Variants in DLC1 observed in about 807,000 individuals in gnomAD.
The protein encoded by DLC1 is DLC1 Rho GTPase activating protein, also known as rho GTPase-activating protein 7.
DLC1 carries 54 observed loss-of-function variants against 140.3 expected under a neutral mutation model. The observed-to-expected ratio is 0.38, with a 90% CI of 0.31 to 0.48. The LOEUF (loss-of-function observed/expected upper bound fraction) is 0.48. Among genes scored for constraint, DLC1 ranks in the 20% least tolerant of loss-of-function variants. The probability of loss-of-function intolerance (pLI) is 0.96; values close to 1 mark genes in which losing one functional copy is unlikely to be tolerated. For missense variants in DLC1, 2,536 were observed against 1,907.0 expected (o/e 1.33, Z -6.14); for synonymous variants, 986 against 728.1 (o/e 1.35, Z -5.70).
At chr8:13,423,352 G>A (rs2117355917) in intron 2 of DLC1, among the ~76,000 whole-genome samples, 1 of 152,230 alleles carries the variant, frequency 6.6e-6, no homozygotes, top group South Asian at 2.1e-4. Flanking sequence ...ACATGTACTG[G>A]CATAGTATCG....
At chr8:13,338,092 A>T (rs1369571943) in intron 4 of DLC1, among the ~76,000 whole-genome samples, 1 of 152,160 alleles carries the variant, frequency 6.6e-6, no homozygotes, top group Non-Finnish European at 1.5e-5. Context: ...CTTTGCAAAT[A>T]GTTCTGTGCA....
rs1418026626 is a variant in DLC1 at position 13,188,801 on chromosome 8, G to GTATATATATATATATATATATATATGTA, written c.1349-73172_1349-73145dup. 6.8e-4 allele frequency among the ~76,000 whole-genome samples: 49 copies of GTATATATATATATATATATATATATGTA among 71,850 alleles called. No homozygotes were observed. The East Asian group carries it at 9.4e-3, about 14-fold the overall frequency. The allele number at this position is 71,850 out of a possible 152,430, so 47.1% of individuals were successfully genotyped here. A position where few individuals can be genotyped will look rare whatever the true frequency, so the allele number is the denominator to read the frequency against. ...AATGTGTGTGTGTGTGTGTGTGTGT[G>GTATATATATATATATATATATATATGTA]TATATATATATATATATATATATAT... On this transcript the variant is annotated intron_variant, in intron 5 of 17. Coordinates refer to ENST00000276297, the MANE Select transcript of DLC1 (RefSeq NM_182643.3).
chr8:13,566,800 C>G (rs886391422), intron 1 of DLC1: 3 of 715,316 alleles, frequency 4.2e-6, no homozygotes, highest in African/African-American at 1.8e-5. Flanking sequence ...AGGCGGGACG[C>G]CGCATGGTGG....
At chr8:13,266,742 A>G (rs1162220383) in intron 5 of DLC1, among the ~76,000 whole-genome samples, 1 of 152,116 alleles carries the variant, frequency 6.6e-6, no homozygotes, top group Non-Finnish European at 1.5e-5. Flanking sequence ...AAGACTTAGT[A>G]TTAAAAAAAC....
chr8:13,507,977 C>T (rs1200411822), intron 1 of DLC1, among the ~76,000 whole-genome samples: 1 of 152,148 alleles, frequency 6.6e-6, no homozygotes, highest in Non-Finnish European at 1.5e-5. Flanking sequence ...TTTTACTCAA[C>T]TTAAAACATT....
intron 5 of DLC1, among the ~76,000 whole-genome samples, chr8:13,237,197 ATG>A (rs376660880): frequency 0.07 from 9,641 of 138,096 alleles, 355 homozygotes; most frequent in South Asian, 0.13. Context: ...ATATATATAT[ATG>A]TGTGTGTGTG....
intron 5 of DLC1, among the ~76,000 whole-genome samples, chr8:13,119,644 C>T (rs563684846): frequency 1.3e-5 from 2 of 152,272 alleles, no homozygotes; most frequent in South Asian, 4.1e-4. Flanking sequence ...GAAGTAACCA[C>T]CTCTCCTTAA....
At chr8:13,363,048 G>T (rs1586210256) in intron 4 of DLC1, among the ~76,000 whole-genome samples, 1 of 152,230 alleles carries the variant, frequency 6.6e-6, no homozygotes, top group Non-Finnish European at 1.5e-5. Context: ...CTAGATATGG[G>T]CATACAATAT....
chr8:13,595,798 A>G (rs1178574340), intron 1 of DLC1, among the ~76,000 whole-genome samples: 3 of 152,050 alleles, frequency 2.0e-5, no homozygotes, highest in African/African-American at 7.2e-5. Context: ...CTTTAAATAG[A>G]ACAGTACATT....
rs58038503 is a variant in DLC1, at chr8:13,413,256, A to ATTTTTTTTTTTT, written c.1024-11649_1024-11638dup. Among the ~76,000 whole-genome samples, 248 of 81,992 alleles carry ATTTTTTTTTTTT rather than the reference A, an allele frequency of 3.0e-3. 40 individuals carry two copies. The highest frequency in any genetic ancestry group is 0.01 in the East Asian group (22 of 2,178). 53.8% of individuals were successfully genotyped at this position (81,992 alleles called of 152,430 possible). On this transcript the variant is annotated intron_variant, in intron 2 of 17. Transcript: ENST00000276297. Reference sequence around the variant, plus strand: ...TAAAACATTATGAGATTTTTTTGCGATTTTTTTTTTTTTTTTTTTTTAGCT... The same window carrying ATTTTTTTTTTTT: ...TAAAACATTATGAGATTTTTTTGCGATTTTTTTTTTTTTTTTTTTTTTTTTTTTTTTTTAGCT...
At chr8:13,246,395 A>G (rs1336500396) in intron 5 of DLC1, among the ~76,000 whole-genome samples, 1 of 152,224 alleles carries the variant, frequency 6.6e-6, no homozygotes, top group Admixed American at 6.5e-5. Flanking sequence ...GGTGTCAATG[A>G]TGATACTATT....
At chr8:13,181,807 G>A in intron 5 of DLC1, among the ~76,000 whole-genome samples, 1 of 152,106 alleles carries the variant, frequency 6.6e-6, no homozygotes. Context: ...ACATGTACAT[G>A]TGTCTTTATA....
intron 1 of DLC1, among the ~76,000 whole-genome samples, chr8:13,528,083 AT>A (rs1200694209): frequency 6.6e-6 from 1 of 152,126 alleles, no homozygotes; most frequent in Non-Finnish European, 1.5e-5. Flanking sequence ...ATAATGATTT[AT>A]TTTCTCCTCT....
chr8:13,332,283 T>C (rs2116948012), intron 4 of DLC1, among the ~76,000 whole-genome samples: 2 of 152,262 alleles, frequency 1.3e-5, no homozygotes, highest in South Asian at 4.2e-4. Context: ...GTTCCTGCAG[T>C]GCCTCCAGCT....
chr8:13,274,253 A>T (rs1831071294), intron 5 of DLC1, among the ~76,000 whole-genome samples: 1 of 152,194 alleles, frequency 6.6e-6, no homozygotes, highest in Non-Finnish European at 1.5e-5. Flanking sequence ...TCTTCATTTG[A>T]CTAACTGAGC....
intron 2 of DLC1, among the ~76,000 whole-genome samples, chr8:13,453,451 T>TATATATATGTATATATATAC (rs1563360173): frequency 2.3e-4 from 8 of 34,970 alleles, no homozygotes; most frequent in East Asian, 7.0e-4. Flanking sequence ...TATATATACA[T>TATATATATGTATATATATAC]ATATATATGT....
At chr8:13,596,230 G>T (rs1805675905) in intron 1 of DLC1, among the ~76,000 whole-genome samples, 1 of 151,896 alleles carries the variant, frequency 6.6e-6, no homozygotes, top group Admixed American at 6.6e-5. Context: ...AAAGATGTTA[G>T]GAACCTTTAA....
intron 2 of DLC1, among the ~76,000 whole-genome samples, chr8:13,423,154 A>C (rs1252363156): frequency 3.3e-5 from 5 of 152,152 alleles, no homozygotes; most frequent in Non-Finnish European, 7.4e-5. Flanking sequence ...TTGTCTACCA[A>C]GTTTGGCATG....
rs1038564623 is a variant in DLC1, at chr8:13,399,989, G to C, written c.1173+1481C>G. ...CAGTGCTCCTTGGTAGATGGTCCAG[G>C]TCCTAATCCTGCCATTATAATCCTC... is the stretch of plus-strand genomic sequence containing the variant. On this transcript the variant is annotated intron_variant, in intron 3 of 17. Coordinates refer to ENST00000276297, the MANE Select transcript of DLC1 (RefSeq NM_182643.3). Among the ~76,000 whole-genome samples, 3 of 152,020 alleles carry C rather than the reference G, an allele frequency of 2.0e-5. 1 individual carries two copies. The highest frequency in any genetic ancestry group is 7.3e-5 in the African/African-American group (3 of 41,358).
Sources: allele counts gnomAD v4.1 joint callset (sites outside exome capture counted in the v4.1 genomes callset), GRCh38; gene constraint gnomAD v4.1.1; transcripts MANE v1.5; gene names NCBI Gene and HGNC (gene_info 2026-07-23, HGNC 2026-07-21).